FOXP2: variants seen among roughly 807,000 people sequenced by gnomAD.
FOXP2 encodes the protein forkhead box P2.
In FOXP2, 12 loss-of-function variants were observed where a neutral mutation model predicts 115.8. The observed-to-expected ratio is 0.10, with a 90% CI of 0.07 to 0.17. The LOEUF (loss-of-function observed/expected upper bound fraction) is 0.17. Among genes scored for constraint, FOXP2 ranks in the 10% least tolerant of loss-of-function variants. The probability of loss-of-function intolerance (pLI) is 1.00; values close to 1 mark genes in which losing one functional copy is unlikely to be tolerated. For synonymous variants in FOXP2, 328 were observed against 297.7 expected (o/e 1.10, Z -1.05); for missense variants, 629 against 843.5 (o/e 0.75, Z 3.15).
At chr7:114,650,191 A>T (rs1806165428) in intron 8 of FOXP2, among the ~76,000 whole-genome samples, 1 of 152,090 alleles carries the variant, frequency 6.6e-6, no homozygotes, top group South Asian at 2.1e-4. Flanking sequence ...AGTTCTTTAA[A>T]TATAAGATCA....
intron 1 of FOXP2, among the ~76,000 whole-genome samples, chr7:114,260,786 C>A (rs2396720): frequency 0.076 from 11,540 of 151,832 alleles, 1,053 homozygotes; most frequent in African/African-American, 0.22. Context: ...ATTATCAGAT[C>A]CAAGCTAGTG....
chr7:114,582,763 C>G (rs1182939844), intron 3 of FOXP2, among the ~76,000 whole-genome samples: 1 of 152,012 alleles, frequency 6.6e-6, no homozygotes, highest in African/African-American at 2.4e-5. Flanking sequence ...TTAGTGAAAA[C>G]AGATCATGTA....
intron 2 of FOXP2, among the ~76,000 whole-genome samples, chr7:114,462,491 C>G (rs1795618865): frequency 6.7e-6 from 1 of 150,316 alleles, no homozygotes; most frequent in Non-Finnish European, 1.5e-5. Flanking sequence ...CCTGCCTCAG[C>G]CTCCTGAGTA....
intron 3 of FOXP2, among the ~76,000 whole-genome samples, chr7:114,535,956 G>C (rs1021891849): frequency 6.6e-6 from 1 of 151,322 alleles, no homozygotes; most frequent in African/African-American, 2.4e-5. Context: ...GAATAATTCT[G>C]TGTCACTTTC....
intron 1 of FOXP2, among the ~76,000 whole-genome samples, chr7:114,149,268 C>G (rs914641909): frequency 2.6e-5 from 4 of 151,900 alleles, no homozygotes; most frequent in African/African-American, 9.7e-5. Flanking sequence ...GAGTCCTACT[C>G]TTTTACCAGT....
At chr7:114,470,157 C>T (rs1795984439) in intron 2 of FOXP2, among the ~76,000 whole-genome samples, 1 of 152,260 alleles carries the variant, frequency 6.6e-6, no homozygotes, top group East Asian at 1.9e-4. Flanking sequence ...TCTCCTGGCT[C>T]CCTGCATGGC....
intron 1 of FOXP2, among the ~76,000 whole-genome samples, chr7:114,096,531 C>G (rs1455342456): frequency 6.6e-6 from 1 of 152,130 alleles, no homozygotes; most frequent in Non-Finnish European, 1.5e-5. Context: ...AACGACAGTG[C>G]AATTTATTTC....
At chr7:114,215,379 TG>T (rs1029044605) in intron 1 of FOXP2, among the ~76,000 whole-genome samples, 2 of 152,190 alleles carry the variant, frequency 1.3e-5, no homozygotes, top group African/African-American at 4.8e-5. Context: ...AGTATTTACA[TG>T]ATTTTTTATG....
chr7:114,145,497 T>C (rs1205578332), intron 1 of FOXP2, among the ~76,000 whole-genome samples: 1 of 149,274 alleles, frequency 6.7e-6, no homozygotes, highest in East Asian at 2.0e-4. Context: ...TTTTCTTTTC[T>C]TTCCTTTTGA....
intron 6 of FOXP2, among the ~76,000 whole-genome samples, chr7:114,635,371 G>A (rs1446964553): frequency 6.6e-6 from 1 of 152,088 alleles, no homozygotes; most frequent in Non-Finnish European, 1.5e-5. Context: ...TCCATGTCAT[G>A]CAAAAATATT....
intron 3 of FOXP2, among the ~76,000 whole-genome samples, chr7:114,568,560 G>A (rs1427926968): frequency 1.3e-5 from 2 of 151,726 alleles, no homozygotes; most frequent in Non-Finnish European, 2.9e-5. Flanking sequence ...TTAGGTTTAT[G>A]AAATTATGTT....
rs1416436408 is a variant in FOXP2 at position 114,691,587 on chromosome 7, A to G, written c.*1661A>G. The G allele has an allele frequency of 2.2e-6, 1 of 454,026 alleles. No individual in the cohort carries two copies. Among genetic ancestry groups the G allele is most frequent in the Admixed American group, 2.4e-5 (1 of 42,542 alleles). The allele number at this position is 454,026 out of a possible 1,614,324, so 28.1% of individuals were successfully genotyped here. ...ATGTAGTTGAAAATAGCATAGTCAG[A>G]TGTTTGCTTAAAACCTAGAAACTTA... On this transcript the variant is annotated 3_prime_UTR_variant, in exon 17 of 17. Transcript: ENST00000350908.
At chr7:114,588,106 G>A (rs577587954) in intron 3 of FOXP2, among the ~76,000 whole-genome samples, 3 of 151,714 alleles carry the variant, frequency 2.0e-5, no homozygotes, top group East Asian at 2.0e-4. Flanking sequence ...TCAGGAGATC[G>A]AGACCATCCT....
chr7:114,096,149 A>G lies in FOXP2; in HGVS notation c.-247+8311A>G, dbSNP rs190241503. ...TGCGAAGGCGACTTTCTTTGTCACC[A>G]TCAGCTCACTATGCAGATTCAGCAC... On this transcript the variant is annotated intron_variant, in intron 1 of 19. Coordinates refer to the FOXP2 transcript ENST00000635638. Among the ~76,000 whole-genome samples, 201 of 152,340 alleles carry G rather than the reference A, an allele frequency of 1.3e-3. No homozygotes were observed. In the Middle Eastern group the frequency reaches 0.014, roughly 10 times the overall value.
chr7:114,424,667 G>C (rs541239607), intron 1 of FOXP2, among the ~76,000 whole-genome samples: 3 of 151,360 alleles, frequency 2.0e-5, no homozygotes, highest in South Asian at 2.1e-4. Flanking sequence ...CCATCACTAT[G>C]TATCAGTTTT....
At chr7:114,318,044 T>C (rs539268415) in intron 2 of FOXP2, among the ~76,000 whole-genome samples, 64 of 152,344 alleles carry the variant, frequency 4.2e-4, no homozygotes, top group African/African-American at 1.4e-3. Context: ...TTTGCAATTC[T>C]GTACCACATC....
intron 2 of FOXP2, among the ~76,000 whole-genome samples, chr7:114,296,938 C>T (rs891876022): frequency 6.6e-6 from 1 of 152,160 alleles, no homozygotes; most frequent in Admixed American, 6.5e-5. Flanking sequence ...AAGATAATTT[C>T]TATCTGTGCC....
rs1793550451 is a variant in FOXP2 at position 114,184,793 on chromosome 7, CTG to C, written c.-102+21707_-102+21708del. Among the ~76,000 whole-genome samples the C allele has an allele frequency of 2.0e-5, 3 of 152,134 alleles. No homozygotes were observed. In the South Asian group the frequency reaches 6.2e-4, roughly 31 times the overall value. On this transcript the variant is annotated intron_variant, in intron 1 of 17. Coordinates refer to the FOXP2 transcript ENST00000634411. ...ATATATGCAAAACTGCCAAGGGAAA[CTG>C]TTTTTCCGTTTGCAACATACATTCA...
chr7:114,682,056 T>C (rs1050920377), intron 16 of FOXP2, among the ~76,000 whole-genome samples: 4 of 152,188 alleles, frequency 2.6e-5, no homozygotes, highest in Non-Finnish European at 5.9e-5. Context: ...ATTTCAAGTG[T>C]TTTACATATA....
Sources: gnomAD v4.1 joint callset for allele counts (sites outside exome capture counted in the v4.1 genomes callset) on GRCh38, gnomAD v4.1.1 for gene constraint, MANE v1.5 for transcripts, NCBI Gene and HGNC (gene_info 2026-07-23, HGNC 2026-07-21) for gene names.